Variants in C12orf76 observed in about 807,000 individuals in gnomAD.
C12orf76 encodes chromosome 12 open reading frame 76.
C12orf76 carries 6 observed loss-of-function variants against 6.8 expected under a neutral mutation model. That is an observed-to-expected ratio of 0.88 (90% CI 0.48 to 1.73). The LOEUF is 1.73. Among genes scored for constraint, C12orf76 ranks in the 40% most tolerant of loss-of-function variants. The pLI, the probability that C12orf76 is intolerant of heterozygous loss-of-function variation, is 0.01. For synonymous variants in C12orf76, 56 were observed against 43.7 expected, an observed-to-expected ratio of 1.28 and a Z score of -1.11; for missense variants, 99 against 98.2, an observed-to-expected ratio of 1.01 and a Z score of -0.03.
chr12:110,042,497 CCAGGTTAGG>C, intron 1 of C12orf76, 38 bp from the exon 2 acceptor site: 1 of 1,368,712 alleles, frequency 7.3e-7, no homozygotes, highest in Non-Finnish European at 1.0e-6. Flanking sequence ...AATGGCAGCT[CCAGGTTAGG>C]CAATTCATCC....
intron 2 of C12orf76, among the ~76,000 whole-genome samples, chr12:110,063,097 G>A (rs1399072011): frequency 6.6e-6 from 1 of 150,574 alleles, no homozygotes; most frequent in East Asian, 2.0e-4. Flanking sequence ...CTGCCACCAC[G>A]CCCAGCTAAT....
chr12:110,051,294 C>T (rs1257883468), upstream of C12orf76: 1 of 708,844 alleles, frequency 1.4e-6, no homozygotes, highest in Non-Finnish European at 2.6e-6. Context: ...ACTCGTTTTC[C>T]CTCTCTGCAC....
intron 2 of C12orf76, among the ~76,000 whole-genome samples, chr12:110,062,786 A>G (rs1364991281): frequency 1.6e-5 from 2 of 124,818 alleles, no homozygotes; most frequent in Admixed American, 1.7e-4. Context: ...TGCCCAGCTA[A>G]TATTTTTTTT....
chr12:110,072,574 C>G (rs1267532132), upstream of C12orf76, among the ~76,000 whole-genome samples: 4 of 150,676 alleles, frequency 2.7e-5, no homozygotes, highest in Admixed American at 1.3e-4. Context: ...AATCTGAAAA[C>G]CATTAAATTG....
exon 1 of C12orf76, chr12:110,073,438 C>A (rs1243029329): frequency 1.9e-6 from 1 of 522,964 alleles, no homozygotes. Context: ...TAGGAAAAGA[C>A]GATCACGTGG....
chr12:110,069,652 T>C (rs1240102270), upstream of C12orf76, among the ~76,000 whole-genome samples: 1 of 152,160 alleles, frequency 6.6e-6, no homozygotes. Flanking sequence ...CTGAAAATTA[T>C]GTACCTAGAT....
At chr12:110,044,436 T>G (rs1566071654) in intron 1 of C12orf76, 2 of 153,358 alleles carry the variant, frequency 1.3e-5, no homozygotes, top group African/African-American at 4.8e-5. Context: ...TCCCAGCTAC[T>G]CAGGGGGCTG....
At chr12:110,043,429 G>C (rs997941172) in intron 1 of C12orf76, among the ~76,000 whole-genome samples, 1 of 152,052 alleles carries the variant, frequency 6.6e-6, no homozygotes, top group African/African-American at 2.4e-5. Context: ...GACTATAGGG[G>C]AGCAAGAGAG....
At chr12:110,042,881 A>G (rs1892350604) in intron 1 of C12orf76, among the ~76,000 whole-genome samples, 1 of 151,974 alleles carries the variant, frequency 6.6e-6, no homozygotes. Context: ...AACATGGTGA[A>G]ACCCCGTCTC....
At chr12:110,049,841 G>A (rs551335340), upstream of C12orf76, 5 of 152,282 alleles carry the variant, frequency 3.3e-5, no homozygotes, top group Admixed American at 2.0e-4. Context: ...ACATTGTATA[G>A]AAGAACGTTG....
Position 110,042,036 on chromosome 12 carries a change from T to C in C12orf76, c.*338A>G. On this transcript the variant is annotated 3_prime_UTR_variant, in exon 2 of 2. Coordinates refer to ENST00000615315, the MANE Select transcript of C12orf76 (RefSeq NM_001389625.1). ...TTTTCAAGCATTAATGATGAGTTCTTTACAGTGTGGTTCTTACAGGCACTC... is the reference window on the plus strand; with the variant it reads ...TTTTCAAGCATTAATGATGAGTTCTCTACAGTGTGGTTCTTACAGGCACTC... The C allele has an allele frequency of 6.2e-6, 2 of 324,266 alleles. No individual in the cohort carries two copies. The highest frequency in any genetic ancestry group is 4.1e-5 in the Admixed American group (1 of 24,138). 20.1% of individuals were successfully genotyped at this position (324,266 alleles called of 1,614,324 possible).
chr12:110,063,983 CA>C (rs1892819651), intron 2 of C12orf76, among the ~76,000 whole-genome samples: 1 of 152,150 alleles, frequency 6.6e-6, no homozygotes, highest in South Asian at 2.1e-4. Flanking sequence ...AGTCTCCAGA[CA>C]AGAACTCAGC....
At chr12:110,065,001 G>A (rs1892834265) in intron 2 of C12orf76, among the ~76,000 whole-genome samples, 1 of 152,136 alleles carries the variant, frequency 6.6e-6, no homozygotes, top group Non-Finnish European at 1.5e-5. Context: ...TTGAGATAAT[G>A]TGCTTTCAGC....
chr12:110,065,413 T>C (rs1465293404), intron 2 of C12orf76, among the ~76,000 whole-genome samples: 3 of 152,042 alleles, frequency 2.0e-5, no homozygotes, highest in South Asian at 2.1e-4. Context: ...TCAGGTGATC[T>C]GCCCGCCTTG....
At chr12:110,044,959 G>C (rs1892411094) in intron 1 of C12orf76, among the ~76,000 whole-genome samples, 1 of 152,012 alleles carries the variant, frequency 6.6e-6, no homozygotes, top group Non-Finnish European at 1.5e-5. Context: ...GGCAACAAGA[G>C]CGAAACTCCG....
At chr12:110,068,357 C>A (rs1453303793), upstream of C12orf76, among the ~76,000 whole-genome samples, 2 of 150,376 alleles carry the variant, frequency 1.3e-5, no homozygotes, top group African/African-American at 2.5e-5. Context: ...CAAATGGAAC[C>A]AAGACGTAGG....
chr12:110,068,301 G>GAAGAAGAAGAAT (rs1892911309), upstream of C12orf76, among the ~76,000 whole-genome samples: 2 of 146,780 alleles, frequency 1.4e-5, no homozygotes, highest in African/African-American at 5.0e-5. Flanking sequence ...AGAAGAAGAA[G>GAAGAAGAAGAAT]AAGAAGAAGA....
chr12:110,065,708 G>T (rs779811154), intron 2 of C12orf76: 4 of 1,324,788 alleles, frequency 3.0e-6, no homozygotes, highest in Non-Finnish European at 4.3e-6. Context: ...TCTATGCTCT[G>T]CACAGTGGCC....
At chr12:110,071,828 T>C (rs973938392), upstream of C12orf76, among the ~76,000 whole-genome samples, 5 of 152,108 alleles carry the variant, frequency 3.3e-5, no homozygotes, top group Non-Finnish European at 5.9e-5. Flanking sequence ...GGTGAGGATG[T>C]GGAGAAACTG....
Sources: gnomAD v4.1 joint callset for allele counts (sites outside exome capture counted in the v4.1 genomes callset) on GRCh38, gnomAD v4.1.1 for gene constraint, MANE v1.5 for transcripts, NCBI Gene and HGNC (gene_info 2026-07-23, HGNC 2026-07-21) for gene names.